Variants in GPC3 observed in about 807,000 individuals in gnomAD.
GPC3 encodes glypican-3.
In GPC3, 3 loss-of-function variants were observed where a neutral mutation model predicts 34.4. The observed-to-expected ratio is 0.09, with a 90% confidence interval of 0.04 to 0.23. The LOEUF is 0.23. Ranked by LOEUF, GPC3 falls within the 10% of genes least tolerant of loss-of-function variation. The pLI is 1.00. For missense variants in GPC3, 351 were observed against 445.6 expected, an observed-to-expected ratio of 0.79 and a Z score of 1.91; for synonymous variants, 177 against 174.0, an observed-to-expected ratio of 1.02 and a Z score of -0.13.
intron 7 of GPC3, among the ~76,000 whole-genome samples, chrX:133,569,077 AG>A (rs1206094816): frequency 9.0e-6 from 1 of 111,235 alleles, no homozygotes; most frequent in African/African-American, 3.3e-5. Context: ...CTGGAGCAAG[AG>A]GATCACTTGA....
chrX:133,669,243 G>A (rs1462713436), intron 5 of GPC3, among the ~76,000 whole-genome samples: 1 of 112,093 alleles, frequency 8.9e-6, no homozygotes, highest in Admixed American at 9.4e-5. Flanking sequence ...AGACACATAC[G>A]AAAGACTATT....
chrX:133,587,143 T>C (rs753924670), intron 7 of GPC3, among the ~76,000 whole-genome samples: 9 of 111,944 alleles, frequency 8.0e-5, no homozygotes, highest in Admixed American at 3.8e-4. Context: ...AGATCAACTT[T>C]TTTTAGTTTT....
chrX:133,664,539 G>A (rs2070753031), intron 5 of GPC3, among the ~76,000 whole-genome samples: 1 of 111,126 alleles, frequency 9.0e-6, no homozygotes, highest in African/African-American at 3.3e-5. Flanking sequence ...TGATAGTAAT[G>A]ACCAAAAAAA....
chrX:133,788,638 G>A (rs1826386833), intron 2 of GPC3, among the ~76,000 whole-genome samples: 1 of 108,622 alleles, frequency 9.2e-6, no homozygotes, highest in African/African-American at 3.4e-5. Flanking sequence ...CTATATATAT[G>A]GTGTTGGGCA....
At chrX:133,874,343 C>T (rs931521229) in intron 2 of GPC3, among the ~76,000 whole-genome samples, 8 of 106,998 alleles carry the variant, frequency 7.5e-5, no homozygotes, top group Admixed American at 6.1e-4. Context: ...CTTGGTTTTA[C>T]TTCACCTCCT....
chrX:133,806,863 T>A (rs1172356371), intron 2 of GPC3, among the ~76,000 whole-genome samples: 2 of 110,758 alleles, frequency 1.8e-5, no homozygotes, highest in African/African-American at 6.6e-5. Context: ...TTAGCCAGGA[T>A]GATCTCGATC....
chrX:133,646,721 T>C (rs2070548396), intron 6 of GPC3, among the ~76,000 whole-genome samples: 1 of 112,129 alleles, frequency 8.9e-6, no homozygotes, highest in South Asian at 3.7e-4. Context: ...CCATCTTTGC[T>C]CAATACTATA....
chrX:133,962,814 G>A (rs767010324), intron 1 of GPC3, among the ~76,000 whole-genome samples: 7 of 111,620 alleles, frequency 6.3e-5, no homozygotes, highest in Non-Finnish European at 1.3e-4. Context: ...CAACACCCTA[G>A]GCCCAATCTA....
Position 133,810,861 on chromosome X carries a change from C to CAAA in GPC3, c.338-56688_338-56686dup, listed in dbSNP as rs11433697. ...CGGGTGATAGAGCAAGACTCCGTCTCAAAAAAAAAAAAAAAAAAAGAAAGA... is the reference window on the plus strand; with the variant it reads ...CGGGTGATAGAGCAAGACTCCGTCTCAAAAAAAAAAAAAAAAAAAAAAGAAAGA... On this transcript the variant is annotated intron_variant, in intron 2 of 7. Coordinates refer to ENST00000370818, the MANE Select transcript of GPC3 (RefSeq NM_004484.4). Among the ~76,000 whole-genome samples the CAAA allele has an allele frequency of 3.3e-4, 20 of 61,111 alleles. 1 individual carries two copies. Among genetic ancestry groups the CAAA allele is most frequent in the African/African-American group, 1.3e-3 (16 of 12,662 alleles). 53.1% of individuals were successfully genotyped at this position (61,111 alleles called of 115,157 possible).
intron 2 of GPC3, among the ~76,000 whole-genome samples, chrX:133,947,410 T>G (rs2076373716): frequency 9.0e-6 from 1 of 111,582 alleles, no homozygotes. Flanking sequence ...GGCTGCATAT[T>G]GAGTCGTTTT....
At chrX:133,750,849 G>A (rs2071660234) in intron 3 of GPC3, among the ~76,000 whole-genome samples, 1 of 109,987 alleles carries the variant, frequency 9.1e-6, no homozygotes, top group Non-Finnish European at 1.9e-5. Flanking sequence ...CTAGGTGGGT[G>A]GATCACCTGA....
intron 5 of GPC3, among the ~76,000 whole-genome samples, chrX:133,678,077 T>A (rs191337121): frequency 9.0e-5 from 10 of 111,504 alleles, no homozygotes; most frequent in Non-Finnish European, 1.7e-4. Flanking sequence ...TTGAAGCCCA[T>A]CTTGCTGTGG....
At chrX:133,817,785 C>T (rs1163175578) in intron 2 of GPC3, among the ~76,000 whole-genome samples, 3 of 106,611 alleles carry the variant, frequency 2.8e-5, no homozygotes, top group Non-Finnish European at 5.8e-5. Context: ...TGCAAATTTG[C>T]ATTTCAGATT....
chrX:133,933,226 T>C (rs779946198), intron 2 of GPC3, among the ~76,000 whole-genome samples: 6 of 110,660 alleles, frequency 5.4e-5, no homozygotes, highest in Non-Finnish European at 9.5e-5. Flanking sequence ...CTTTCAGTCC[T>C]GTCAAGGGGA....
intron 2 of GPC3, among the ~76,000 whole-genome samples, chrX:133,886,917 A>C (rs921895618): frequency 8.9e-6 from 1 of 112,924 alleles, no homozygotes; most frequent in Non-Finnish European, 1.9e-5. Flanking sequence ...ATGCGGGTAC[A>C]GCTATCTCTT....
intron 4 of GPC3, among the ~76,000 whole-genome samples, chrX:133,696,579 T>A (rs757940673): frequency 4.4e-4 from 49 of 112,514 alleles, no homozygotes; most frequent in Non-Finnish European, 1.1e-4. Flanking sequence ...TAATTACCCA[T>A]GTATGACACA....
chrX:133,657,528 C>G (rs1027161065), intron 6 of GPC3, among the ~76,000 whole-genome samples: 16 of 111,240 alleles, frequency 1.4e-4, no homozygotes, highest in Non-Finnish European at 2.3e-4. Flanking sequence ...AAAATAAGTC[C>G]TCACACAAAT....
rs901452934 is a variant in GPC3, at chrX:133,927,028, A to G, written c.337+26022T>C. Among the ~76,000 whole-genome samples, 4 of 110,968 alleles carry G rather than the reference A, an allele frequency of 3.6e-5. No individual in the cohort carries two copies. In the South Asian group the frequency reaches 1.6e-3, roughly 43 times the overall value. On this transcript the variant is annotated intron_variant, in intron 2 of 7. Coordinates refer to ENST00000370818, the MANE Select transcript of GPC3 (RefSeq NM_004484.4). ...CGGAAAGGACTGGCTCTTTCTGCAC[A>G]TTGGGAGGCAGCAGAGAGTGCAATT...
At chrX:133,770,654 G>A (rs778468183) in intron 2 of GPC3, among the ~76,000 whole-genome samples, 1 of 111,700 alleles carries the variant, frequency 9.0e-6, no homozygotes, top group African/African-American at 3.3e-5. Flanking sequence ...CAGAGATGGG[G>A]CCATTTGTCC....
Sources: allele counts gnomAD v4.1 joint callset (sites outside exome capture counted in the v4.1 genomes callset), GRCh38; gene constraint gnomAD v4.1.1; transcripts MANE v1.5; gene names NCBI Gene and HGNC (gene_info 2026-07-23, HGNC 2026-07-21).